KCNN3: variants seen among roughly 807,000 people sequenced by gnomAD.
KCNN3 encodes the protein small conductance calcium-activated potassium channel protein 3.
Under a neutral mutation model 62.9 loss-of-function variants are expected in KCNN3, and 16 were observed. That is an observed-to-expected ratio of 0.25 (90% CI 0.17 to 0.39). The LOEUF (loss-of-function observed/expected upper bound fraction) is 0.39. Ranked by LOEUF, KCNN3 falls within the 10% of genes least tolerant of loss-of-function variation. The probability of loss-of-function intolerance (pLI) is 1.00; values close to 1 mark genes in which losing one functional copy is unlikely to be tolerated. For missense variants in KCNN3, 599 were observed against 949.4 expected (o/e 0.63, Z 4.85); for synonymous variants, 370 against 389.2 (o/e 0.95, Z 0.58).
At chr1:154,797,305 C>T (rs1171398956) in intron 2 of KCNN3, among the ~76,000 whole-genome samples, 2 of 152,170 alleles carry the variant, frequency 1.3e-5, no homozygotes, top group African/African-American at 4.8e-5. Flanking sequence ...CGGAGTCAGG[C>T]AGAGTAGGGT....
chr1:154,713,592 C>T, intron 6 of KCNN3, 59 bp from the exon 7 acceptor site: 2 of 1,383,202 alleles, frequency 1.4e-6, no homozygotes, highest in African/African-American at 2.8e-5. Flanking sequence ...TTTAGCCCCA[C>T]CAGCAGATCC....
intron 2 of KCNN3, among the ~76,000 whole-genome samples, chr1:154,811,098 G>A (rs1331458503): frequency 6.6e-6 from 1 of 152,204 alleles, no homozygotes; most frequent in African/African-American, 2.4e-5. Context: ...ATCAACAGAT[G>A]GAGGCGACAC....
Position 154,726,042 on chromosome 1 carries a change from A to C in KCNN3, c.1591-16T>G. On this transcript the variant is annotated splice_polypyrimidine_tract_variant and intron_variant, in intron 4 of 7. Coordinates refer to ENST00000271915, the MANE Select transcript of KCNN3 (RefSeq NM_002249.6). Reference sequence around the variant, plus strand: ...AGCCTGCACCCTGCGGGGGGACATCAAGAGGACCAGAGGGGAAAGAACATA... The same window carrying C: ...AGCCTGCACCCTGCGGGGGGACATCCAGAGGACCAGAGGGGAAAGAACATA... 1 of 1,591,396 alleles carries C rather than the reference A, an allele frequency of 6.3e-7. No homozygotes were observed. Among genetic ancestry groups the C allele is most frequent in the Non-Finnish European group, 8.6e-7 (1 of 1,160,030 alleles).
At chr1:154,783,434 C>A (rs997311170) in intron 2 of KCNN3, among the ~76,000 whole-genome samples, 2 of 152,174 alleles carry the variant, frequency 1.3e-5, no homozygotes, top group African/African-American at 2.4e-5. Flanking sequence ...TCCACAGATA[C>A]AATATCCATT....
At chr1:154,788,258 G>A (rs1649367386) in intron 2 of KCNN3, among the ~76,000 whole-genome samples, 1 of 152,188 alleles carries the variant, frequency 6.6e-6, no homozygotes, top group African/African-American at 2.4e-5. Context: ...TCTGTAGCAG[G>A]CACAGGTATA....
chr1:154,787,897 C>T (rs1027719283), intron 2 of KCNN3, among the ~76,000 whole-genome samples: 2 of 152,214 alleles, frequency 1.3e-5, no homozygotes, highest in Admixed American at 6.5e-5. Context: ...CTGGTAGGTA[C>T]ATCCCTAAGC....
In KCNN3 at chr1:154,727,931, T is replaced by A. The variant is rs76411864; in HGVS notation, c.1591-1905A>T. ...CAAAAAGAGGGCTATATCATAGCGT[T>A]AAAAATGGAACATCAGATGGAGAGG... On this transcript the variant is annotated intron_variant, in intron 4 of 7. Coordinates refer to ENST00000271915, the MANE Select transcript of KCNN3 (RefSeq NM_002249.6). Among the ~76,000 whole-genome samples the A allele has an allele frequency of 8.5e-5, 13 of 152,336 alleles. No homozygotes were observed. In the East Asian group the frequency reaches 2.5e-3, roughly 29 times the overall value.
chr1:154,826,918 G>A (rs1402591954), intron 1 of KCNN3, among the ~76,000 whole-genome samples: 1 of 152,192 alleles, frequency 6.6e-6, no homozygotes, highest in African/African-American at 2.4e-5. Flanking sequence ...ATGATGCGCA[G>A]GCTCCTTCCC....
At chr1:154,790,756 T>G (rs1003618816) in intron 2 of KCNN3, among the ~76,000 whole-genome samples, 12 of 152,248 alleles carry the variant, frequency 7.9e-5, no homozygotes, top group Non-Finnish European at 1.8e-4. Flanking sequence ...AATCTGGGAC[T>G]ATCTCTCTCT....
At position 154,700,128 on chromosome 1, in the gene KCNN3, C is replaced by T. The variant is rs1238075198; in HGVS notation, c.*7848G>A. ...ATGAGACTCAAGGAAGAGATAGCTT[C>T]ATTCTCTAATTATTAACGAGGTTAG... On this transcript the variant is annotated 3_prime_UTR_variant, in exon 8 of 8. Transcript: ENST00000271915. 2 of 152,192 alleles carry T rather than the reference C, an allele frequency of 1.3e-5. No individual in the cohort carries two copies. Among genetic ancestry groups the T allele is most frequent in the Non-Finnish European group, 2.9e-5 (2 of 68,038 alleles). The allele number at this position is 152,192 out of a possible 1,614,324, so 9.4% of individuals were successfully genotyped here. A position where few individuals can be genotyped will look rare whatever the true frequency, so the allele number is the denominator to read the frequency against.
intron 1 of KCNN3, among the ~76,000 whole-genome samples, chr1:154,822,816 T>G (rs870328): frequency 0.2 from 30,664 of 152,204 alleles, 3,571 homozygotes; most frequent in East Asian, 0.34. Context: ...TGATGGTCCC[T>G]CCTGCTAGGG....
At chr1:154,851,224 G>A (rs1204521247) in intron 1 of KCNN3, among the ~76,000 whole-genome samples, 3 of 152,100 alleles carry the variant, frequency 2.0e-5, no homozygotes, top group Non-Finnish European at 4.4e-5. Context: ...TGATCCACCC[G>A]CCTCGGCCTC....
intron 3 of KCNN3, among the ~76,000 whole-genome samples, chr1:154,767,569 C>A (rs180755619): frequency 9.2e-5 from 14 of 152,356 alleles, no homozygotes; most frequent in Non-Finnish European, 1.5e-4. Context: ...GGAAGGCTGG[C>A]TCTCCAACCT....
rs564595909 is a variant in KCNN3, at chr1:154,799,265, T to C, written c.1029+22824A>G. The stretch of plus-strand genomic sequence containing the variant: ...TTATACTAACACAGTTCTTATTATA[T>C]GATCAAACTGAAAGGAAAAGAGGTC... On this transcript the variant is annotated intron_variant, in intron 2 of 7. Coordinates refer to ENST00000271915, the MANE Select transcript of KCNN3 (RefSeq NM_002249.6). 1.2e-4 allele frequency among the ~76,000 whole-genome samples: 18 copies of C among 152,268 alleles called. No individual in the cohort carries two copies. In the East Asian group the frequency reaches 1.4e-3, roughly 11 times the overall value.
At chr1:154,821,445 G>A (rs1389667487) in intron 2 of KCNN3, among the ~76,000 whole-genome samples, 1 of 152,186 alleles carries the variant, frequency 6.6e-6, no homozygotes, top group Non-Finnish European at 1.5e-5. Context: ...CCTGGCCCGG[G>A]TTGAACCATC....
At chr1:154,710,008 C>G (rs1219535007) in intron 7 of KCNN3, among the ~76,000 whole-genome samples, 1 of 152,134 alleles carries the variant, frequency 6.6e-6, no homozygotes, top group Non-Finnish European at 1.5e-5. Context: ...TTATAGTTTA[C>G]AAAGCATTTT....
Position 154,822,176 on chromosome 1 carries a change from C to T in KCNN3, c.942G>A (p.Met314Ile), listed in dbSNP as rs1650926271. The T allele has an allele frequency of 1.9e-6, 3 of 1,611,882 alleles. No individual in the cohort carries two copies. In the South Asian group the frequency reaches 3.3e-5, roughly 18 times the overall value. Residue 314 changes from methionine to isoleucine, a missense_variant, in exon 2 of 8, where the codon ATG becomes ATA. Coordinates refer to ENST00000271915, the MANE Select transcript of KCNN3 (RefSeq NM_002249.6). ...LSWGLYSKDS[M>I]FSLALKCLIS... ...TAAGGCATTTCAGGGCCAACGAAAA[C>T]ATGGAGTCCTGCAGGAACAATGGAG... is the stretch of plus-strand genomic sequence containing the variant.
At chr1:154,722,053 A>T (rs1013064206) in intron 5 of KCNN3, among the ~76,000 whole-genome samples, 2 of 152,074 alleles carry the variant, frequency 1.3e-5, no homozygotes, top group Non-Finnish European at 1.5e-5. Context: ...ACCCAGTGCT[A>T]TCAGACCCTC....
chr1:154,760,035 G>A (rs1024205480), intron 3 of KCNN3, among the ~76,000 whole-genome samples: 8 of 149,484 alleles, frequency 5.4e-5, no homozygotes, highest in Non-Finnish European at 7.4e-5. Context: ...TTTTTGAGAC[G>A]GAGTCTCACT....
Sources: allele counts gnomAD v4.1 joint callset (sites outside exome capture counted in the v4.1 genomes callset), GRCh38; gene constraint gnomAD v4.1.1; transcripts MANE v1.5; gene names NCBI Gene and HGNC (gene_info 2026-07-23, HGNC 2026-07-21).